Variants in BCAS1 observed in about 807,000 individuals in gnomAD.
The protein encoded by BCAS1 is brain enriched myelin associated protein 1, also known as breast carcinoma-amplified sequence 1.
A neutral mutation model predicts 65.4 loss-of-function variants in BCAS1; 46 were observed. The observed-to-expected ratio is 0.70, with a 90% CI of 0.55 to 0.90. The LOEUF (loss-of-function observed/expected upper bound fraction) is 0.90, where lower values mean the gene tolerates loss of function less well. Ranked by LOEUF, BCAS1 falls within the 40% of genes least tolerant of loss-of-function variation. BCAS1 has a pLI of 0.00. For synonymous variants in BCAS1, 298 were observed against 293.5 expected, an observed-to-expected ratio of 1.02 and a Z score of -0.16; for missense variants, 793 against 771.2, an observed-to-expected ratio of 1.03 and a Z score of -0.33.
chr20:54,011,118 A>G (rs1358121939), intron 4 of BCAS1, among the ~76,000 whole-genome samples: 2 of 151,964 alleles, frequency 1.3e-5, no homozygotes, highest in Non-Finnish European at 2.9e-5. Flanking sequence ...AACCTCAAAT[A>G]TAAAACTTTT....
At position 54,058,972 on chromosome 20, in the gene BCAS1, T is replaced by TA. The variant is rs1169527961; in HGVS notation, c.-5-250dup. 5.3e-5 allele frequency among the ~76,000 whole-genome samples: 8 copies of TA among 152,236 alleles called. No homozygotes were observed. The East Asian group carries it at 1.5e-3, about 29-fold the overall frequency. On this transcript the variant is annotated intron_variant, in intron 1 of 12. Coordinates refer to ENST00000688948, the MANE Select transcript of BCAS1 (RefSeq NM_001366298.2). ...ATGGCTGGGGAGACCGCAGGAAACT[T>TA]ACAATCGTGGCAGAAGACACCTCTC... is the stretch of plus-strand genomic sequence containing the variant.
chr20:53,969,001 C>A (rs956286143), intron 9 of BCAS1, among the ~76,000 whole-genome samples: 1 of 152,186 alleles, frequency 6.6e-6, no homozygotes, highest in African/African-American at 2.4e-5. Flanking sequence ...TTAATTCAAT[C>A]GCATTTCCGA....
At chr20:54,052,867 G>C (rs1007681377) in intron 3 of BCAS1, among the ~76,000 whole-genome samples, 3 of 152,158 alleles carry the variant, frequency 2.0e-5, no homozygotes, top group African/African-American at 7.2e-5. Flanking sequence ...CAGATTACGA[G>C]ACCATTGTAC....
intron 3 of BCAS1, among the ~76,000 whole-genome samples, chr20:54,039,900 T>C (rs1413644070): frequency 2.6e-5 from 4 of 151,428 alleles, no homozygotes; most frequent in Non-Finnish European, 5.9e-5. Flanking sequence ...GGACTGTATC[T>C]GTCCTTGTTG....
chr20:54,041,910 A>C lies in BCAS1; in HGVS notation c.143-12938T>G, dbSNP rs7271591. On this transcript the variant is annotated intron_variant, in intron 3 of 12. Coordinates refer to ENST00000688948, the MANE Select transcript of BCAS1 (RefSeq NM_001366298.2). ...TTCAGAGTGAGACTCTGTCTCCCCC[A>C]AAAAAAAAAAAAAAAAAAAAAGAAC... Among the ~76,000 whole-genome samples the C allele has an allele frequency of 6.0e-3, 631 of 104,732 alleles. 2 individuals carry two copies. The highest frequency in any genetic ancestry group is 0.017 in the African/African-American group (375 of 21,524). The allele number at this position is 104,732 out of a possible 152,430, so 68.7% of individuals were successfully genotyped here.
chr20:54,069,123 G>A (rs1036604048), intron 1 of BCAS1, among the ~76,000 whole-genome samples: 1 of 152,120 alleles, frequency 6.6e-6, no homozygotes, highest in Non-Finnish European at 1.5e-5. Flanking sequence ...CGCCCCGTCT[G>A]TTGTCTTTAT....
At chr20:53,949,697 C>A (rs536216210) in intron 12 of BCAS1, among the ~76,000 whole-genome samples, 1 of 152,278 alleles carries the variant, frequency 6.6e-6, no homozygotes, top group South Asian at 2.1e-4. Context: ...GACTTGGGGT[C>A]TAGGGGGCCT....
intron 3 of BCAS1, among the ~76,000 whole-genome samples, chr20:54,029,702 A>G (rs895179389): frequency 6.6e-6 from 1 of 152,214 alleles, no homozygotes; most frequent in African/African-American, 2.4e-5. Flanking sequence ...TAGCACCTGG[A>G]ATATATTAAG....
chr20:54,063,475 G>A lies in BCAS1; in HGVS notation c.-5-4752C>T, dbSNP rs562371794. ...GTGCCCGGTAGTGAGACTCTACCGA[G>A]GAATCCAGCAACATTTCTGATTCCT... On this transcript the variant is annotated intron_variant, in intron 1 of 12. Transcript: ENST00000688948. 3.9e-5 allele frequency among the ~76,000 whole-genome samples: 6 copies of A among 152,318 alleles called. No homozygotes were observed. The East Asian group carries it at 1.2e-3, about 29-fold the overall frequency.
chr20:53,945,192 T>C (rs999850634), intron 12 of BCAS1, among the ~76,000 whole-genome samples, 196 bp from the exon 13 acceptor site: 1 of 152,244 alleles, frequency 6.6e-6, no homozygotes, highest in Non-Finnish European at 1.5e-5. Context: ...TTTCTAGCTT[T>C]GTGAAATCTT....
Position 53,996,053 on chromosome 20 carries a change from A to C in BCAS1, c.724-3T>G. Reference sequence around the variant, plus strand: ...TTTTCCTTGCCGTCAACTATGTCCTAGGGGCAAAACAGTTGTCACAGTTGC... The same window carrying C: ...TTTTCCTTGCCGTCAACTATGTCCTCGGGGCAAAACAGTTGTCACAGTTGC... On this transcript the variant is annotated splice_region_variant and splice_polypyrimidine_tract_variant and intron_variant, in intron 4 of 12. Coordinates refer to ENST00000688948, the MANE Select transcript of BCAS1 (RefSeq NM_001366298.2). 6.3e-7 allele frequency: 1 copy of C among 1,589,774 alleles called. No homozygotes were observed. The highest frequency in any genetic ancestry group is 1.7e-4 in the Middle Eastern group (1 of 5,968).
chr20:53,969,258 T>C (rs2090119369), intron 9 of BCAS1, among the ~76,000 whole-genome samples: 1 of 152,174 alleles, frequency 6.6e-6, no homozygotes, highest in South Asian at 2.1e-4. Flanking sequence ...CTTAGCACCA[T>C]GCACTCAATT....
At chr20:53,960,334 T>C (rs906748639) in intron 10 of BCAS1, among the ~76,000 whole-genome samples, 5 of 151,976 alleles carry the variant, frequency 3.3e-5, no homozygotes, top group African/African-American at 9.7e-5. Flanking sequence ...CCCCATTTCT[T>C]TGAGAGCCCT....
intron 4 of BCAS1, among the ~76,000 whole-genome samples, chr20:54,024,344 G>T (rs962687897): frequency 6.6e-6 from 1 of 152,196 alleles, no homozygotes; most frequent in Admixed American, 6.5e-5. Context: ...AAAACCCCGT[G>T]AATTAAACTG....
intron 3 of BCAS1, among the ~76,000 whole-genome samples, chr20:54,057,202 A>C (rs919386554): frequency 1.3e-5 from 2 of 152,236 alleles, no homozygotes; most frequent in African/African-American, 4.8e-5. Flanking sequence ...TCATGTGGAC[A>C]CAATTCTGTT....
chr20:53,996,081 C>A, intron 4 of BCAS1, 31 bp from the exon 5 acceptor site: 1 of 1,548,586 alleles, frequency 6.5e-7, no homozygotes, highest in South Asian at 1.2e-5. Flanking sequence ...ACAGTTGCCA[C>A]TTGCTGAATG....
intron 3 of BCAS1, among the ~76,000 whole-genome samples, chr20:54,031,357 G>A (rs2091795102): frequency 6.6e-6 from 1 of 151,236 alleles, no homozygotes; most frequent in African/African-American, 2.4e-5. Flanking sequence ...TCAGAGAATG[G>A]GTAAAGTGTT....
Position 53,945,046 on chromosome 20 carries a change from A to T in BCAS1, c.1816-50T>A, listed in dbSNP as rs370910180. On this transcript the variant is annotated intron_variant, in intron 12 of 12. Transcript: ENST00000688948. ...CAGCCTATTGAAGCTCTGTAATGTC[A>T]ACAGCAACAATGGCCATTTATGTAG... 8.0e-6 allele frequency: 12 copies of T among 1,500,056 alleles called. No homozygotes were observed. In the South Asian group the frequency reaches 1.1e-4, roughly 14 times the overall value. The allele number at this position is 1,500,056 out of a possible 1,614,324, so 92.9% of individuals were successfully genotyped here. A position where few individuals can be genotyped will look rare whatever the true frequency, so the allele number is the denominator to read the frequency against.
At chr20:54,001,835 G>A (rs931923795) in intron 4 of BCAS1, among the ~76,000 whole-genome samples, 19 of 152,088 alleles carry the variant, frequency 1.2e-4, no homozygotes, top group African/African-American at 4.6e-4. Flanking sequence ...GCTCTGTCTG[G>A]GCAGCGGGCA....
Sources: gnomAD v4.1 joint callset for allele counts (sites outside exome capture counted in the v4.1 genomes callset) on GRCh38, gnomAD v4.1.1 for gene constraint, MANE v1.5 for transcripts, NCBI Gene and HGNC (gene_info 2026-07-23, HGNC 2026-07-21) for gene names.